SMG1: variants seen among roughly 807,000 people sequenced by gnomAD.
SMG1 encodes serine/threonine-protein kinase SMG1.
A neutral mutation model predicts 419.9 loss-of-function variants in SMG1; 22 were observed. The observed-to-expected ratio is 0.05, with a 90% CI of 0.04 to 0.07. The LOEUF (loss-of-function observed/expected upper bound fraction) is 0.07. Among genes scored for constraint, SMG1 ranks in the 10% least tolerant of loss-of-function variants. The pLI, the probability that SMG1 is intolerant of heterozygous loss-of-function variation, is 1.00. For missense variants in SMG1, 3,185 were observed against 4,342.0 expected (o/e 0.73, Z 7.49); for synonymous variants, 1,538 against 1,553.5 (o/e 0.99, Z 0.23).
chr16:18,812,821 T>A (rs2031594522), intron 60 of SMG1, among the ~76,000 whole-genome samples: 1 of 151,892 alleles, frequency 6.6e-6, no homozygotes, highest in African/African-American at 2.4e-5. Flanking sequence ...CCCTCTCCTG[T>A]CCCCCCACCC....
rs540915081 is a variant in SMG1, at chr16:18,853,928, C to T, written c.4484-61G>A. Reference sequence around the variant, plus strand: ...TAAAAGCAAATGATGGAGGGAGGCACTTGGATTAGGAAACAAATATCAACA... The same window carrying T: ...TAAAAGCAAATGATGGAGGGAGGCATTTGGATTAGGAAACAAATATCAACA... On this transcript the variant is annotated intron_variant, in intron 30 of 62. Coordinates refer to ENST00000446231, the MANE Select transcript of SMG1 (RefSeq NM_015092.5). The T allele has an allele frequency of 1.0e-5, 15 of 1,454,452 alleles. No individual in the cohort carries two copies. In the East Asian group the frequency reaches 3.3e-4, roughly 32 times the overall value. The allele number at this position is 1,454,452 out of a possible 1,614,324, so 90.1% of individuals were successfully genotyped here.
intron 1 of SMG1, among the ~76,000 whole-genome samples, chr16:18,918,336 C>A (rs1326768447): frequency 6.6e-6 from 1 of 152,140 alleles, no homozygotes; most frequent in African/African-American, 2.4e-5. Context: ...ATAGGGTTCC[C>A]AACCCAGTGC....
Position 18,919,058 on chromosome 16 carries a change from A to G in SMG1, c.92+6892T>C, listed in dbSNP as rs1384322754. ...AATCCTGGCCGTGGCCCAGTGCAGT[A>G]GCTTATGCCTGTAATCCCAGCACTT... On this transcript the variant is annotated intron_variant, in intron 1 of 62. Transcript: ENST00000446231. 3.3e-5 allele frequency among the ~76,000 whole-genome samples: 5 copies of G among 152,096 alleles called. No homozygotes were observed. The South Asian group carries it at 6.2e-4, about 19-fold the overall frequency.
chr16:18,888,602 G>C (rs1418863842), intron 6 of SMG1, among the ~76,000 whole-genome samples: 1 of 151,128 alleles, frequency 6.6e-6, no homozygotes, highest in Non-Finnish European at 1.5e-5. Context: ...TGAGTAGCTG[G>C]GACTACAGGC....
Position 18,869,307 on chromosome 16 carries a change from G to T in SMG1, c.2634-4C>A. The T allele has an allele frequency of 6.2e-7, 1 of 1,606,482 alleles. No homozygotes were observed. Among genetic ancestry groups the T allele is most frequent in the Non-Finnish European group, 8.5e-7 (1 of 1,176,898 alleles). On this transcript the variant is annotated splice_region_variant and splice_polypyrimidine_tract_variant and intron_variant, in intron 19 of 62. Coordinates refer to ENST00000446231, the MANE Select transcript of SMG1 (RefSeq NM_015092.5). ...TCTTTCCAACCAATTGTCCTTCCTGGGAAAAGCAGTTTCATATTTAAAAGA... is the reference window on the plus strand; with the variant it reads ...TCTTTCCAACCAATTGTCCTTCCTGTGAAAAGCAGTTTCATATTTAAAAGA...
At chr16:18,830,867 A>G (rs1168150510) in intron 51 of SMG1, among the ~76,000 whole-genome samples, 1 of 152,218 alleles carries the variant, frequency 6.6e-6, no homozygotes, top group Non-Finnish European at 1.5e-5. Flanking sequence ...AATGATTCCA[A>G]TTCGTTATTA....
At chr16:18,904,357 G>A (rs1219599665) in intron 1 of SMG1, among the ~76,000 whole-genome samples, 1 of 151,820 alleles carries the variant, frequency 6.6e-6, no homozygotes, top group South Asian at 2.1e-4. Context: ...AAAAATGGCC[G>A]GGCACGGCGG....
chr16:18,890,103 T>C (rs1305690694), intron 5 of SMG1, among the ~76,000 whole-genome samples: 1 of 152,170 alleles, frequency 6.6e-6, no homozygotes, highest in Non-Finnish European at 1.5e-5. Flanking sequence ...CTGCAAATCT[T>C]TGGGAATCAC....
At chr16:18,817,689 G>C (rs533747648) in intron 56 of SMG1, among the ~76,000 whole-genome samples, 18 of 152,102 alleles carry the variant, frequency 1.2e-4, no homozygotes, top group Non-Finnish European at 2.2e-4. Context: ...CAAAAGCACT[G>C]ACAAACAATT....
intron 55 of SMG1, among the ~76,000 whole-genome samples, chr16:18,827,814 T>C (rs1022572923): frequency 1.4e-5 from 2 of 144,314 alleles, no homozygotes; most frequent in African/African-American, 5.0e-5. Context: ...GGTATAAATA[T>C]ACCAAAGTAT....
At position 18,872,223 on chromosome 16, in the gene SMG1, C is replaced by T; in HGVS notation, c.2144G>A (p.Gly715Glu). 1 of 1,573,208 alleles carries T rather than the reference C, an allele frequency of 6.4e-7. No individual in the cohort carries two copies. The highest frequency in any genetic ancestry group is 8.7e-7 in the Non-Finnish European group (1 of 1,147,078). The part of the protein sequence containing the change: ...KHFSIILNLL[G>E]ILLKKDNLNQ... ...AAGGTTATCTTTCTTAAGTAATATT[C>T]CCAGAAGATTTAATATAATTGAGAA... The change falls in exon 15 of 63, where the codon GGA (glycine) becomes GAA (glutamate). Residue 715 changes from glycine to glutamate, a missense_variant. Physicochemically the swap from Gly to Glu is moderately conservative, Grantham distance 98. Coordinates refer to ENST00000446231, the MANE Select transcript of SMG1 (RefSeq NM_015092.5).
chr16:18,813,348 T>C lies in SMG1; in HGVS notation c.10622-1221A>G, dbSNP rs544259271. Among the ~76,000 whole-genome samples the C allele has an allele frequency of 8.5e-4, 129 of 152,306 alleles. 1 individual carries two copies. The South Asian group carries it at 0.012, about 14-fold the overall frequency. The stretch of plus-strand genomic sequence containing the variant: ...CAGCACCTGTTGTTTCCTGACTTTT[T>C]AATGATGGCCATTCTAACTGGTGTG... On this transcript the variant is annotated intron_variant, in intron 60 of 62. Coordinates refer to ENST00000446231, the MANE Select transcript of SMG1 (RefSeq NM_015092.5).
intron 1 of SMG1, among the ~76,000 whole-genome samples, chr16:18,920,669 T>C (rs2038161832): frequency 1.3e-5 from 2 of 149,890 alleles, no homozygotes; most frequent in South Asian, 4.2e-4. Flanking sequence ...ACCCCATCTC[T>C]ACAAAAAACA....
intron 1 of SMG1, among the ~76,000 whole-genome samples, chr16:18,910,393 G>A (rs987032179): frequency 1.4e-4 from 22 of 151,736 alleles, no homozygotes; most frequent in Non-Finnish European, 2.2e-4. Context: ...ACCATGCCCA[G>A]CTAATTTTTG....
Position 18,860,678 on chromosome 16 carries a change from T to G in SMG1, c.3794A>C (p.Lys1265Thr). The change falls in exon 26 of 63, where the codon AAA becomes ACA. Residue 1265 changes from lysine (K) to threonine (T), a missense_variant. Lys to Thr is a moderately conservative substitution (Grantham distance 78). Coordinates refer to ENST00000446231, the MANE Select transcript of SMG1 (RefSeq NM_015092.5). ...ENINLLAGGS[K>T]EKIDMKKLLP... ...ATTTTCTCAAATACCTATTTTTTCT[T>G]TTGATCCTCCAGCAAGTAGATTGAT... is the stretch of plus-strand genomic sequence containing the variant. The G allele has an allele frequency of 6.6e-7, 1 of 1,507,578 alleles. No individual in the cohort carries two copies. The highest frequency in any genetic ancestry group is 9.0e-7 in the Non-Finnish European group (1 of 1,106,034). The allele number at this position is 1,507,578 out of a possible 1,614,324, so 93.4% of individuals were successfully genotyped here. A position where few individuals can be genotyped will look rare whatever the true frequency, so the allele number is the denominator to read the frequency against.
chr16:18,829,434 G>C lies in SMG1; in HGVS notation c.9455C>G (p.Ser3152Cys). The C allele has an allele frequency of 6.2e-7, 1 of 1,614,022 alleles. No homozygotes were observed. The highest frequency in any genetic ancestry group is 8.5e-7 in the Non-Finnish European group (1 of 1,179,900). Residue 3152 changes from serine to cysteine, a missense_variant, in exon 54 of 63, where the codon TCT becomes TGT. Transcript: ENST00000446231. The part of the protein sequence containing the change: ...VEHNIQIGKF[S>C]QLVMNRATVL... ...AGTTGCCCTGTTCATAACCAGCTGA[G>C]AGAACTTCCCTATCTGGATGTTATG...
chr16:18,834,297 C>T lies in SMG1; in HGVS notation c.8472G>A (p.Gln2824=). Residue 2824 remains glutamine, a synonymous_variant, in exon 50 of 63, where the codon CAG becomes CAA. Coordinates refer to ENST00000446231, the MANE Select transcript of SMG1 (RefSeq NM_015092.5). ...NVTCLVQLLK[Q]CHLVPQDLDI... ...CTAAGTCCTGTGGCACCAGGTGGCA[C>T]TGCTTCAGTAACTGAACCAAGCAGG... 6.2e-7 allele frequency: 1 copy of T among 1,612,440 alleles called. No individual in the cohort carries two copies. The highest frequency in any genetic ancestry group is 8.5e-7 in the Non-Finnish European group (1 of 1,179,248).
In SMG1 at chr16:18,834,257, T is replaced by A; in HGVS notation, c.8512A>T (p.Met2838Leu). 6.2e-7 allele frequency: 1 copy of A among 1,610,126 alleles called. No individual in the cohort carries two copies. Among genetic ancestry groups the A allele is most frequent in the South Asian group, 1.1e-5 (1 of 90,204 alleles). Residue 2838 changes from methionine to leucine, a missense_variant, in exon 50 of 63, where the codon ATG (methionine) becomes TTG (leucine). Met to Leu is a conservative substitution (Grantham distance 15). Coordinates refer to ENST00000446231, the MANE Select transcript of SMG1 (RefSeq NM_015092.5). ...VPQDLDIPNP[M>L]EASETVHLAN... Reference sequence around the variant, plus strand: ...AAGTGAACTGTCTCAGACGCTTCCATGGGGTTCGGGATATCTAAGTCCTGT... The same window carrying A: ...AAGTGAACTGTCTCAGACGCTTCCAAGGGGTTCGGGATATCTAAGTCCTGT...
chr16:18,902,712 A>G (rs1245355482), intron 1 of SMG1, among the ~76,000 whole-genome samples: 1 of 151,976 alleles, frequency 6.6e-6, no homozygotes, highest in Non-Finnish European at 1.5e-5. Context: ...TCTCAAAAAA[A>G]AAAAAAAGAG....
Sources: gnomAD v4.1 joint callset for allele counts (sites outside exome capture counted in the v4.1 genomes callset) on GRCh38, gnomAD v4.1.1 for gene constraint, MANE v1.5 for transcripts, NCBI Gene and HGNC (gene_info 2026-07-23, HGNC 2026-07-21) for gene names.